PRPSAP1: variants seen among roughly 807,000 people sequenced by gnomAD.
PRPSAP1 encodes phosphoribosyl pyrophosphate synthase-associated protein 1.
PRPSAP1 carries 31 observed loss-of-function variants against 39.4 expected under a neutral mutation model. The ratio of observed to expected loss-of-function variants is 0.79; its 90% CI spans 0.59 to 1.06. The LOEUF (loss-of-function observed/expected upper bound fraction) is 1.06. Ranked by LOEUF, PRPSAP1 falls within the 50% of genes least tolerant of loss-of-function variation. PRPSAP1 has a pLI of 0.00. For synonymous variants in PRPSAP1, 212 were observed against 192.6 expected (o/e 1.10, Z -0.83); for missense variants, 430 against 511.6 (o/e 0.84, Z 1.54).
chr17:76,312,845 G>A (rs374637894), intron 9 of PRPSAP1, 25 bp downstream of exon 9: 2 of 1,591,446 alleles, frequency 1.3e-6, no homozygotes, highest in Non-Finnish European at 1.7e-6. Flanking sequence ...GTAAATCTTG[G>A]CTCAAGATTT....
chr17:76,353,699 G>C lies in PRPSAP1; in HGVS notation c.5C>G (p.Pro2Arg). 2 of 1,472,272 alleles carry C rather than the reference G, an allele frequency of 1.4e-6. No homozygotes were observed. Among genetic ancestry groups the C allele is most frequent in the Non-Finnish European group, 1.8e-6 (2 of 1,118,396 alleles). 91.2% of individuals were successfully genotyped at this position (1,472,272 alleles called of 1,614,324 possible). ...CGGGGGCAACAGCAGCAGCTTCTTGGGCATCGTCCGGCCCGCGGCGCGGTT... is the reference window on the plus strand; with the variant it reads ...CGGGGGCAACAGCAGCAGCTTCTTGCGCATCGTCCGGCCCGCGGCGCGGTT... M[P>R]KKLLLLPPPS... The change falls in exon 1 of 10, where the codon CCC (proline) becomes CGC (arginine). Residue 2 changes from proline to arginine, a missense_variant. By Grantham distance (103) the Pro-to-Arg change is moderately radical. Coordinates refer to ENST00000446526, the MANE Select transcript of PRPSAP1 (RefSeq NM_002766.3).
intron 3 of PRPSAP1, among the ~76,000 whole-genome samples, chr17:76,336,547 C>A (rs2071381378): frequency 6.6e-6 from 1 of 151,414 alleles, no homozygotes; most frequent in African/African-American, 2.4e-5. Context: ...GCCTGACCAA[C>A]ATGGAGAAAC....
chr17:76,342,191 T>C (rs1301761048), intron 3 of PRPSAP1, among the ~76,000 whole-genome samples: 1 of 152,120 alleles, frequency 6.6e-6, no homozygotes, highest in Non-Finnish European at 1.5e-5. Flanking sequence ...CAGCAGCCTC[T>C]ATTGTATCAG....
At chr17:76,325,028 T>C (rs2071239230) in intron 7 of PRPSAP1, among the ~76,000 whole-genome samples, 2 of 142,528 alleles carry the variant, frequency 1.4e-5, no homozygotes, top group African/African-American at 2.6e-5. Flanking sequence ...GGTGAACCAC[T>C]GCACTCCAGC....
chr17:76,353,167 T>C, intron 1 of PRPSAP1: 1 of 196,760 alleles, frequency 5.1e-6, no homozygotes, highest in Non-Finnish European at 1.0e-5. Flanking sequence ...GATTCCCAGG[T>C]CAACTCCAGC....
chr17:76,350,013 AG>A (rs1237956256), intron 1 of PRPSAP1, among the ~76,000 whole-genome samples: 1 of 151,228 alleles, frequency 6.6e-6, no homozygotes, highest in East Asian at 2.0e-4. Context: ...TGAACCTGGG[AG>A]GCGGGGGCTG....
rs983787549 is a variant in PRPSAP1, at chr17:76,353,619, C to A, written c.85G>T (p.Ala29Ser). ...VPRARPVPPP[A>S]MNAARTGYRV... ...TAGCCGGTGCGAGCGGCGTTCATGG[C>A]CGGCGGGGGAACGGGGCGGGCGCGC... The change falls in exon 1 of 10, where the codon GCC becomes TCC. Residue 29 changes from alanine to serine, a missense_variant. Ala to Ser is a moderately conservative substitution (Grantham distance 99). Around this residue, in one of 2 missense-constraint regions of PRPSAP1, gnomAD observed 152 missense variants for 135.2 expected, o/e 1.12. Transcript: ENST00000446526. 4.5e-6 allele frequency: 7 copies of A among 1,552,788 alleles called. No homozygotes were observed. Among genetic ancestry groups the A allele is most frequent in the African/African-American group, 1.4e-5 (1 of 70,920 alleles).
intron 2 of PRPSAP1, chr17:76,345,956 C>A (rs897621826): frequency 1.7e-5 from 8 of 466,324 alleles, no homozygotes; most frequent in Non-Finnish European, 2.5e-5. Flanking sequence ...AAAGCCAGAG[C>A]CCAGGCCTAA....
chr17:76,333,461 A>G (rs1178851282), intron 3 of PRPSAP1, among the ~76,000 whole-genome samples: 1 of 152,090 alleles, frequency 6.6e-6, no homozygotes, highest in African/African-American at 2.4e-5. Flanking sequence ...CCCAGCCAAT[A>G]TGGTGAAACC....
intron 7 of PRPSAP1, among the ~76,000 whole-genome samples, chr17:76,317,693 C>T (rs2071139638): frequency 6.6e-6 from 1 of 152,186 alleles, no homozygotes. Context: ...GTGAAAACCA[C>T]ATCTTCACTC....
intron 5 of PRPSAP1, 22 bp downstream of exon 5, chr17:76,330,529 G>A (rs2071310430): frequency 3.4e-6 from 5 of 1,490,456 alleles, no homozygotes; most frequent in Non-Finnish European, 4.6e-6. Flanking sequence ...GGACAATGGG[G>A]TGTTTGCTGG....
intron 7 of PRPSAP1, among the ~76,000 whole-genome samples, chr17:76,319,671 G>C (rs1435586298): frequency 6.6e-6 from 1 of 151,610 alleles, no homozygotes; most frequent in Non-Finnish European, 1.5e-5. Context: ...GTTTCACCGT[G>C]TTGGCCAGGC....
chr17:76,345,409 G>C (rs1264511241), intron 2 of PRPSAP1, among the ~76,000 whole-genome samples: 2 of 151,894 alleles, frequency 1.3e-5, no homozygotes, highest in African/African-American at 2.4e-5. Flanking sequence ...AGAGCTTGCA[G>C]TGAGCCGTGA....
intron 3 of PRPSAP1, among the ~76,000 whole-genome samples, chr17:76,335,316 TC>T (rs1287649235): frequency 2.0e-5 from 3 of 151,962 alleles, no homozygotes; most frequent in Non-Finnish European, 4.4e-5. Flanking sequence ...TTTAGTAGCT[TC>T]TGTAAGCGTT....
intron 1 of PRPSAP1, among the ~76,000 whole-genome samples, chr17:76,349,912 C>G (rs1165461129): frequency 1.3e-5 from 2 of 151,246 alleles, no homozygotes; most frequent in Non-Finnish European, 2.9e-5. Flanking sequence ...ATGGAAAAAC[C>G]CCATCTCTAC....
At chr17:76,350,622 T>C (rs1429431206) in intron 1 of PRPSAP1, among the ~76,000 whole-genome samples, 1 of 152,142 alleles carries the variant, frequency 6.6e-6, no homozygotes, top group East Asian at 1.9e-4. Flanking sequence ...GGACTTAGTA[T>C]TTAATGGGTA....
chr17:76,315,777 C>T (rs1275201600), intron 7 of PRPSAP1, among the ~76,000 whole-genome samples: 5 of 139,218 alleles, frequency 3.6e-5, no homozygotes, highest in East Asian at 2.2e-4. Flanking sequence ...TGCAGTGGCA[C>T]GATCTCGGCT....
At chr17:76,329,466 G>A (rs915817326) in intron 6 of PRPSAP1, among the ~76,000 whole-genome samples, 1 of 152,316 alleles carries the variant, frequency 6.6e-6, no homozygotes, top group East Asian at 1.9e-4. Context: ...CGGGCACAGT[G>A]GCTTACGCCT....
rs747959955 is a variant in PRPSAP1 at position 76,311,531 on chromosome 17, C to T, written c.*11G>A. On this transcript the variant is annotated 3_prime_UTR_variant, in exon 10 of 10. Coordinates refer to ENST00000446526, the MANE Select transcript of PRPSAP1 (RefSeq NM_002766.3). ...CCCTCAGGAGGTCCAGGGTCGAGAC[C>T]CTCGTGAAAGCTAGTCATCCACAGT... The T allele has an allele frequency of 1.2e-6, 2 of 1,612,194 alleles. No individual in the cohort carries two copies. Among genetic ancestry groups the T allele is most frequent in the South Asian group, 2.2e-5 (2 of 90,816 alleles).
Sources: allele counts gnomAD v4.1 joint callset (sites outside exome capture counted in the v4.1 genomes callset), GRCh38; gene constraint gnomAD v4.1.1; regional missense constraint gnomAD v4.1.1; transcripts MANE v1.5; gene names NCBI Gene and HGNC (gene_info 2026-07-23, HGNC 2026-07-21).